The following JAK2 variants were observed in gnomAD, a reference collection of about 807,000 sequenced individuals.
JAK2 encodes the protein Janus kinase 2.
In JAK2, 86 loss-of-function variants were observed where a neutral mutation model predicts 139.3. That is an observed-to-expected ratio of 0.62 (90% CI 0.52 to 0.74). The LOEUF (loss-of-function observed/expected upper bound fraction) is 0.74. Among genes scored for constraint, JAK2 ranks in the 30% least tolerant of loss-of-function variants. JAK2 has a pLI of 0.00. For synonymous variants in JAK2, 490 were observed against 437.7 expected (o/e 1.12, Z -1.49); for missense variants, 1,421 against 1,360.3 (o/e 1.04, Z -0.70).
chr9:5,125,727 C>A (rs1823942614), intron 23 of JAK2, among the ~76,000 whole-genome samples: 2 of 151,378 alleles, frequency 1.3e-5, no homozygotes, highest in Admixed American at 6.6e-5. Context: ...ATTTCCATTT[C>A]TTTTCTTAAT....
intron 22 of JAK2, chr9:5,096,741 G>A (rs1401725595): frequency 6.6e-6 from 1 of 152,164 alleles, no homozygotes; most frequent in Admixed American, 6.5e-5. Flanking sequence ...CGGCGCATGA[G>A]TGGGGATAGT....
intron 19 of JAK2, among the ~76,000 whole-genome samples, chr9:5,084,725 A>G (rs980841677): frequency 6.6e-6 from 1 of 152,190 alleles, no homozygotes; most frequent in Admixed American, 6.5e-5. Context: ...ATAGCCTTAC[A>G]TGTGGATATT....
chr9:5,090,676 TTAAGACCATTTAAA>T, intron 21 of JAK2, 49 bp from the exon 22 acceptor site: 1 of 1,537,982 alleles, frequency 6.5e-7, no homozygotes, highest in South Asian at 1.3e-5. Context: ...ATATATAGGG[TTAAGACCATTTAAA>T]TTGTTTATAT....
chr9:5,065,068 T>G, intron 9 of JAK2, 28 bp downstream of exon 9: 4 of 1,450,788 alleles, frequency 2.8e-6, no homozygotes, highest in Non-Finnish European at 2.8e-6. Flanking sequence ...AAAAGTAAAT[T>G]TTTAGAAAAG....
chr9:5,070,420 TCA>T (rs1288376067), intron 12 of JAK2, among the ~76,000 whole-genome samples: 1 of 152,146 alleles, frequency 6.6e-6, no homozygotes, highest in African/African-American at 2.4e-5. Context: ...CAGCCATCTC[TCA>T]GTGTCCATGA....
intron 18 of JAK2, 152 bp from the exon 19 acceptor site, chr9:5,081,573 G>T: frequency 8.7e-6 from 5 of 577,544 alleles, no homozygotes; most frequent in South Asian, 2.5e-5. Context: ...ATGATTAAAG[G>T]CTCCCATTAA....
chr9:5,040,743 C>G (rs940867550), intron 4 of JAK2, among the ~76,000 whole-genome samples: 1 of 152,378 alleles, frequency 6.6e-6, no homozygotes, highest in African/African-American at 2.4e-5. Flanking sequence ...AGCGGGCGTC[C>G]GGGACCGTGG....
At chr9:5,118,037 T>G (rs974809168) in intron 22 of JAK2, among the ~76,000 whole-genome samples, 1 of 152,232 alleles carries the variant, frequency 6.6e-6, no homozygotes, top group African/African-American at 2.4e-5. Context: ...CTGTAAATAT[T>G]GACATTTAAA....
chr9:5,008,360 G>A lies in JAK2; in HGVS notation c.-25-13603G>A, dbSNP rs1039207612. Among the ~76,000 whole-genome samples the A allele has an allele frequency of 5.3e-5, 8 of 152,292 alleles. No individual in the cohort carries two copies. In the East Asian group the frequency reaches 1.5e-3, roughly 29 times the overall value. On this transcript the variant is annotated intron_variant, in intron 2 of 24. Coordinates refer to ENST00000381652, the MANE Select transcript of JAK2 (RefSeq NM_004972.4). ...ATTTGAAAAGGATATGCATTCTTCA[G>A]TTGTTAGGTGTTTGCTTTTGATTGC...
intron 8 of JAK2, among the ~76,000 whole-genome samples, chr9:5,058,939 C>G (rs907865889): frequency 1.1e-4 from 17 of 152,078 alleles, no homozygotes; most frequent in Admixed American, 2.0e-4. Context: ...AATCCCTTTT[C>G]AAATATATGA....
At chr9:5,037,491 A>T (rs889084975) in intron 4 of JAK2, among the ~76,000 whole-genome samples, 2 of 152,230 alleles carry the variant, frequency 1.3e-5, no homozygotes, top group Admixed American at 6.5e-5. Flanking sequence ...GATTAAGAAA[A>T]TGTGGCACAT....
intron 23 of JAK2, among the ~76,000 whole-genome samples, chr9:5,123,543 G>T (rs1444255594): frequency 6.6e-6 from 1 of 151,788 alleles, no homozygotes; most frequent in Non-Finnish European, 1.5e-5. Flanking sequence ...TCTTTATCCA[G>T]TCATCCACTG....
chr9:5,059,557 C>CT (rs763886604), intron 8 of JAK2, among the ~76,000 whole-genome samples: 127 of 152,118 alleles, frequency 8.3e-4, no homozygotes, highest in Admixed American at 1.4e-3. Context: ...CTTATGCACT[C>CT]TTTTTTTGTA....
rs115776352 is a variant in JAK2, at chr9:5,124,482, G to A, written c.3177+1361G>A. Among the ~76,000 whole-genome samples the A allele has an allele frequency of 7.1e-3, 1,069 of 151,496 alleles. 22 individuals are homozygous for A. The highest frequency in any genetic ancestry group is 0.024 in the African/African-American group (1,011 of 41,394). Reference sequence around the variant, plus strand: ...AAAAGGGTGTCCTTTCCCATACTGCGCAAAGCAATCTGCAGATTCAATGCA... The same window carrying A: ...AAAAGGGTGTCCTTTCCCATACTGCACAAAGCAATCTGCAGATTCAATGCA... On this transcript the variant is annotated intron_variant, in intron 23 of 24. Coordinates refer to ENST00000381652, the MANE Select transcript of JAK2 (RefSeq NM_004972.4).
chr9:5,072,482 T>C lies in JAK2; in HGVS notation c.1642-10T>C. 9 of 1,528,168 alleles carry C rather than the reference T, an allele frequency of 5.9e-6. No individual in the cohort carries two copies. Among genetic ancestry groups the C allele is most frequent in the Non-Finnish European group, 7.9e-6 (9 of 1,134,664 alleles). The allele number at this position is 1,528,168 out of a possible 1,614,324, so 94.7% of individuals were successfully genotyped here. Reference sequence around the variant, plus strand: ...TACTCATTCTTTTCTTTTACCTTTTTCTCTTGAAGAATGAAAGCCTTGGCC... The same window carrying C: ...TACTCATTCTTTTCTTTTACCTTTTCCTCTTGAAGAATGAAAGCCTTGGCC... On this transcript the variant is annotated splice_polypyrimidine_tract_variant and intron_variant, in intron 12 of 24. Coordinates refer to ENST00000381652, the MANE Select transcript of JAK2 (RefSeq NM_004972.4).
In JAK2 at chr9:5,080,614, G is replaced by T. The variant is rs1414977743; in HGVS notation, c.2365G>T (p.Asp789Tyr). The change falls in exon 18 of 25, where the codon GAT becomes TAT. Residue 789 changes from aspartate to tyrosine, a missense_variant. Physicochemically the swap from Asp to Tyr is radical, Grantham distance 160. Coordinates refer to ENST00000381652, the MANE Select transcript of JAK2 (RefSeq NM_004972.4). ...AGCAAACCTTATAAATAATTGTATG[G>T]ATTATGAACCAGATTTCAGGCCTTC... ...ELANLINNCMDYEPDFRPSFR... is the reference protein window; with the variant it reads ...ELANLINNCMYYEPDFRPSFR... 1.2e-6 allele frequency: 2 copies of T among 1,607,914 alleles called. No individual in the cohort carries two copies. Among genetic ancestry groups the T allele is most frequent in the Non-Finnish European group, 1.7e-6 (2 of 1,178,246 alleles).
At chr9:5,013,804 T>A (rs904230506) in intron 2 of JAK2, among the ~76,000 whole-genome samples, 1 of 152,222 alleles carries the variant, frequency 6.6e-6, no homozygotes, top group African/African-American at 2.4e-5. Context: ...ACTTAGATGA[T>A]GTGTAATTTA....
At chr9:5,093,272 AC>A (rs1440872987) in intron 22 of JAK2, among the ~76,000 whole-genome samples, 10 of 152,108 alleles carry the variant, frequency 6.6e-5, no homozygotes, top group Admixed American at 1.3e-4. Flanking sequence ...GGCAAATCTT[AC>A]CCCACCTGTT....
chr9:5,050,644 G>T, intron 5 of JAK2, 42 bp from the exon 6 acceptor site: 1 of 1,568,472 alleles, frequency 6.4e-7, no homozygotes, highest in South Asian at 1.1e-5. Context: ...ACATGATAAT[G>T]AAACTTACGA....
Sources: allele counts gnomAD v4.1 joint callset (sites outside exome capture counted in the v4.1 genomes callset), GRCh38; gene constraint gnomAD v4.1.1; transcripts MANE v1.5; gene names NCBI Gene and HGNC (gene_info 2026-07-23, HGNC 2026-07-21).